CAMTA1: variants seen among roughly 807,000 people sequenced by gnomAD.
CAMTA1 encodes calmodulin binding transcription activator 1.
In CAMTA1, 27 loss-of-function variants were observed where a neutral mutation model predicts 170.9. The observed-to-expected ratio is 0.16, with a 90% CI of 0.12 to 0.22. CAMTA1 has a LOEUF of 0.22. Among genes scored for constraint, CAMTA1 ranks in the 10% least tolerant of loss-of-function variants. CAMTA1 has a pLI of 1.00. For synonymous variants in CAMTA1, 833 were observed against 891.5 expected (o/e 0.93, Z 1.17); for missense variants, 1,619 against 2,217.2 (o/e 0.73, Z 5.42).
At chr1:6,978,155 C>T (rs1693786911) in intron 3 of CAMTA1, among the ~76,000 whole-genome samples, 4 of 151,950 alleles carry the variant, frequency 2.6e-5, no homozygotes, top group African/African-American at 2.4e-5. Flanking sequence ...CCCTAGTATT[C>T]GATAGCATAA....
chr1:6,864,167 T>TA (rs1665775341), intron 3 of CAMTA1, among the ~76,000 whole-genome samples: 1 of 152,240 alleles, frequency 6.6e-6, no homozygotes, highest in South Asian at 2.1e-4. Flanking sequence ...TTCTTCACTG[T>TA]AAAATTACTG....
intron 6 of CAMTA1, among the ~76,000 whole-genome samples, chr1:7,469,750 T>G (rs60381265): frequency 0.048 from 7,355 of 152,280 alleles, 289 homozygotes; most frequent in South Asian, 0.13. Flanking sequence ...GCTTTTTAAT[T>G]CCACTAAATT....
At chr1:7,230,753 G>T (rs1662632178) in intron 4 of CAMTA1, among the ~76,000 whole-genome samples, 1 of 152,192 alleles carries the variant, frequency 6.6e-6, no homozygotes, top group Admixed American at 6.5e-5. Context: ...GGCAGCCAAG[G>T]TGACTCCTGG....
chr1:7,094,125 G>A (rs920115445), intron 4 of CAMTA1, among the ~76,000 whole-genome samples: 3 of 152,188 alleles, frequency 2.0e-5, no homozygotes, highest in South Asian at 2.1e-4. Context: ...GGGTGAAGAC[G>A]GAAGGTTTCC....
intron 11 of CAMTA1, among the ~76,000 whole-genome samples, chr1:7,703,159 T>C (rs777310418): frequency 6.6e-6 from 1 of 152,176 alleles, no homozygotes; most frequent in African/African-American, 2.4e-5. Context: ...TTGGTTCTGC[T>C]GAGAGCGTCA....
chr1:7,097,082 C>T (rs1469321376), intron 4 of CAMTA1, among the ~76,000 whole-genome samples: 3 of 152,218 alleles, frequency 2.0e-5, no homozygotes, highest in Admixed American at 2.0e-4. Context: ...CTGCCTCTTC[C>T]TGGGAGCCTT....
At chr1:7,379,881 G>A (rs746500397) in intron 5 of CAMTA1, among the ~76,000 whole-genome samples, 1 of 152,210 alleles carries the variant, frequency 6.6e-6, no homozygotes, top group Non-Finnish European at 1.5e-5. Context: ...GCCTGTCTGC[G>A]TGCGTCTGCC....
rs1041238577 is a variant in CAMTA1 at position 7,392,957 on chromosome 1, G to A, written c.439-74873G>A. ...AGTCCCAGCTACTTGGGAAGCTGAG[G>A]CGAGAGGATCATTTGAGGTCAGGAG... is the stretch of plus-strand genomic sequence containing the variant. On this transcript the variant is annotated intron_variant, in intron 5 of 22. Transcript: ENST00000303635. 2.6e-5 allele frequency among the ~76,000 whole-genome samples: 4 copies of A among 151,966 alleles called. 1 individual carries two copies. Among genetic ancestry groups the A allele is most frequent in the African/African-American group, 9.7e-5 (4 of 41,374 alleles).
intron 5 of CAMTA1, among the ~76,000 whole-genome samples, chr1:7,393,576 T>C (rs1220255356): frequency 1.3e-5 from 2 of 152,150 alleles, no homozygotes; most frequent in Non-Finnish European, 2.9e-5. Flanking sequence ...CACATTTAAT[T>C]GACACAGGAT....
chr1:7,178,134 T>G (rs1651344398), intron 4 of CAMTA1, among the ~76,000 whole-genome samples: 1 of 152,204 alleles, frequency 6.6e-6, no homozygotes, highest in Non-Finnish European at 1.5e-5. Context: ...GCTTGAACAC[T>G]TAAAAGAACA....
chr1:7,240,689 A>G (rs72861863), intron 4 of CAMTA1, among the ~76,000 whole-genome samples: 2,060 of 152,004 alleles, frequency 0.014, 59 homozygotes, highest in African/African-American at 0.045. Context: ...ACTTTGTTGT[A>G]GAGACAGGGT....
At chr1:7,142,235 A>G in intron 4 of CAMTA1, 2 of 483,904 alleles carry the variant, frequency 4.1e-6, no homozygotes, top group Non-Finnish European at 8.3e-6. Context: ...AGAACCTTCC[A>G]GTTTCCAGCA....
At chr1:7,273,373 T>C (rs1284602259) in intron 5 of CAMTA1, among the ~76,000 whole-genome samples, 1 of 152,136 alleles carries the variant, frequency 6.6e-6, no homozygotes, top group East Asian at 1.9e-4. Context: ...ATCCATACAA[T>C]GAAATATTAC....
At chr1:7,667,490 T>G (rs892164324) in intron 9 of CAMTA1, among the ~76,000 whole-genome samples, 2 of 152,092 alleles carry the variant, frequency 1.3e-5, no homozygotes, top group African/African-American at 4.8e-5. Flanking sequence ...CCTGGGAGAT[T>G]TGGTCCTCGG....
intron 6 of CAMTA1, among the ~76,000 whole-genome samples, chr1:7,545,490 G>A (rs764467898): frequency 6.6e-6 from 1 of 152,110 alleles, no homozygotes; most frequent in Non-Finnish European, 1.5e-5. Flanking sequence ...TCTTCATTTT[G>A]TCATTGACTT....
At chr1:6,814,732 T>A (rs1291715347) in intron 1 of CAMTA1, among the ~76,000 whole-genome samples, 2 of 152,170 alleles carry the variant, frequency 1.3e-5, no homozygotes, top group Non-Finnish European at 2.9e-5. Flanking sequence ...AGGTGCTAAG[T>A]AGTAAAGGTG....
At chr1:7,254,267 C>T (rs560173724) in intron 5 of CAMTA1, among the ~76,000 whole-genome samples, 4 of 152,216 alleles carry the variant, frequency 2.6e-5, no homozygotes, top group Non-Finnish European at 5.9e-5. Context: ...ACGCGGCCCT[C>T]TCGGCTCTTA....
intron 4 of CAMTA1, among the ~76,000 whole-genome samples, chr1:7,213,502 T>A (rs553442039): frequency 1.3e-5 from 2 of 152,312 alleles, no homozygotes; most frequent in African/African-American, 4.8e-5. Context: ...ATATCTTAAA[T>A]ACCAGTCATT....
chr1:7,337,346 A>G (rs2083450240), intron 5 of CAMTA1, among the ~76,000 whole-genome samples: 1 of 152,202 alleles, frequency 6.6e-6, no homozygotes, highest in African/African-American at 2.4e-5. Flanking sequence ...TCATCTGTCA[A>G]TTTGACCCGG....
Sources: allele counts gnomAD v4.1 joint callset (sites outside exome capture counted in the v4.1 genomes callset), GRCh38; gene constraint gnomAD v4.1.1; transcripts MANE v1.5; gene names NCBI Gene and HGNC (gene_info 2026-07-23, HGNC 2026-07-21).